KIF5B: variants seen among roughly 807,000 people sequenced by gnomAD.
KIF5B encodes the protein kinesin family member 5B.
A neutral mutation model predicts 132.8 loss-of-function variants in KIF5B; 49 were observed. The observed-to-expected ratio is 0.37, with a 90% CI of 0.29 to 0.47. KIF5B has a LOEUF of 0.47. Ranked by LOEUF, KIF5B falls within the 20% of genes least tolerant of loss-of-function variation. The pLI is 1.00. For synonymous variants in KIF5B, 355 were observed against 369.4 expected (o/e 0.96, Z 0.45); for missense variants, 780 against 1,144.0 (o/e 0.68, Z 4.59).
At chr10:32,016,020 T>A (rs1841154763) in intron 24 of KIF5B, among the ~76,000 whole-genome samples, 1 of 152,088 alleles carries the variant, frequency 6.6e-6, no homozygotes, top group African/African-American at 2.4e-5. Context: ...GGCGTGCACC[T>A]GTAGTCCCAG....
At chr10:32,018,883 A>G (rs77480280) in intron 20 of KIF5B, among the ~76,000 whole-genome samples, 15,139 of 152,092 alleles carry the variant, frequency 0.1, 845 homozygotes, top group Middle Eastern at 0.14. Flanking sequence ...TTTTGTAGAG[A>G]CGGGGTCTCA....
intron 20 of KIF5B, among the ~76,000 whole-genome samples, chr10:32,019,552 A>T (rs1312073209): frequency 6.6e-6 from 1 of 152,196 alleles, no homozygotes; most frequent in Non-Finnish European, 1.5e-5. Context: ...GTTACTTAAT[A>T]TATTGTTTTA....
intron 12 of KIF5B, 29 bp from the exon 13 acceptor site, chr10:32,032,803 G>A: frequency 6.4e-7 from 1 of 1,566,228 alleles, no homozygotes; most frequent in Non-Finnish European, 8.8e-7. Context: ...CGGTTAACCA[G>A]TAGCTAACAA....
chr10:32,012,336 G>C (rs150825860), intron 25 of KIF5B, among the ~76,000 whole-genome samples: 1 of 152,134 alleles, frequency 6.6e-6, no homozygotes, highest in African/African-American at 2.4e-5. Flanking sequence ...TTAGGCGGGC[G>C]TGGTAGTGGG....
intron 25 of KIF5B, among the ~76,000 whole-genome samples, chr10:32,012,666 G>A (rs1841100082): frequency 6.6e-6 from 1 of 152,130 alleles, no homozygotes; most frequent in Non-Finnish European, 1.5e-5. Context: ...TGCTAACCTG[G>A]TGTCACTTTA....
intron 16 of KIF5B, 82 bp from the exon 17 acceptor site, chr10:32,022,339 C>A: frequency 1.4e-6 from 1 of 691,332 alleles, no homozygotes; most frequent in South Asian, 2.0e-5. Flanking sequence ...ATTTCATTAT[C>A]TATATATGAT....
At chr10:32,021,341 T>C (rs1564463686) in intron 17 of KIF5B, 54 bp from the exon 18 acceptor site, 1 of 1,303,710 alleles carries the variant, frequency 7.7e-7, no homozygotes, top group Non-Finnish European at 1.1e-6. Flanking sequence ...AGGTTCCTCA[T>C]ATAAACCAAG....
rs987678454 is a variant in KIF5B at position 32,016,863 on chromosome 10, C to A, written c.2761+280G>T. 3.3e-5 allele frequency among the ~76,000 whole-genome samples: 5 copies of A among 152,346 alleles called. No individual in the cohort carries two copies. The South Asian group carries it at 1.0e-3, about 32-fold the overall frequency. On this transcript the variant is annotated intron_variant, in intron 24 of 25. Transcript: ENST00000302418. The stretch of plus-strand genomic sequence containing the variant: ...CAATGATTATTCTTAAACGTTAAAT[C>A]ATTGCTGATGGCTTATTTTCTTGCA...
intron 12 of KIF5B, among the ~76,000 whole-genome samples, chr10:32,033,237 G>T (rs976455686): frequency 1.3e-5 from 2 of 152,016 alleles, no homozygotes; most frequent in Non-Finnish European, 1.5e-5. Flanking sequence ...TATCATTGAG[G>T]CTCCCAATGA....
chr10:32,032,415 A>G (rs1412601957), intron 13 of KIF5B, among the ~76,000 whole-genome samples: 1 of 152,172 alleles, frequency 6.6e-6, no homozygotes, highest in Non-Finnish European at 1.5e-5. Context: ...CTGCTTTTCA[A>G]TTATCCCCCT....
intron 1 of KIF5B, among the ~76,000 whole-genome samples, chr10:32,054,101 A>C (rs940792418): frequency 6.6e-6 from 1 of 152,262 alleles, no homozygotes; most frequent in African/African-American, 2.4e-5. Flanking sequence ...GTGTAAACAC[A>C]AAATCTGAAG....
chr10:32,055,762 A>G, intron 1 of KIF5B, 86 bp downstream of exon 1: 13 of 1,528,694 alleles, frequency 8.5e-6, no homozygotes, highest in Non-Finnish European at 1.1e-5. Context: ...GCTCCCTTTC[A>G]ATTCTGCACC....
chr10:32,022,782 G>T lies in KIF5B; in HGVS notation c.1914+66C>A, dbSNP rs147940501. ...TAGACACACATTTTTCTGAAAACTT[G>T]TATAATAAATAAAATTTCTATGTGG... On this transcript the variant is annotated intron_variant, in intron 16 of 25. Transcript: ENST00000302418. 2,986 of 1,199,854 alleles carry T rather than the reference G, an allele frequency of 2.5e-3. 10 individuals carry two copies. The highest frequency in any genetic ancestry group is 3.0e-3 in the Non-Finnish European group (2,573 of 853,812). 74.3% of individuals were successfully genotyped at this position (1,199,854 alleles called of 1,614,324 possible). A position where few individuals can be genotyped will look rare whatever the true frequency, so the allele number is the denominator to read the frequency against.
At chr10:32,013,716 A>G (rs548303510) in intron 25 of KIF5B, among the ~76,000 whole-genome samples, 14 of 152,346 alleles carry the variant, frequency 9.2e-5, no homozygotes, top group African/African-American at 3.4e-4. Flanking sequence ...TTAGAGATTC[A>G]TTAAATAGTT....
chr10:32,031,079 C>A lies in KIF5B; in HGVS notation c.1575G>T (p.Gln525His). ...EYELLSDELN[Q>H]KSATLASIDA... is the part of the protein sequence containing the mutation. The stretch of plus-strand genomic sequence containing the variant: ...AAATAAAACTATATCCTACCGATTT[C>A]TGATTCAATTCATCACTAAGCAATT... The change falls in exon 14 of 26, where the codon CAG becomes CAT. Residue 525 changes from glutamine (Q) to histidine (H), a missense_variant. Gln to His is a conservative substitution (Grantham distance 24). Around this residue, in one of 9 missense-constraint regions of KIF5B, gnomAD observed 471 missense variants for 569.9 expected, o/e 0.83. Coordinates refer to ENST00000302418, the MANE Select transcript of KIF5B (RefSeq NM_004521.3). 1 of 1,608,004 alleles carries A rather than the reference C, an allele frequency of 6.2e-7. No homozygotes were observed. Among genetic ancestry groups the A allele is most frequent in the Non-Finnish European group, 8.5e-7 (1 of 1,175,154 alleles).
chr10:32,014,900 A>G (rs1841137760), intron 25 of KIF5B, among the ~76,000 whole-genome samples: 1 of 152,206 alleles, frequency 6.6e-6, no homozygotes. Flanking sequence ...AGGCGGGCAG[A>G]TCGCCTGAAG....
intron 8 of KIF5B, 37 bp from the exon 9 acceptor site, chr10:32,036,031 C>A (rs774782415): frequency 7.4e-7 from 1 of 1,355,806 alleles, no homozygotes; most frequent in Non-Finnish European, 1.0e-6. Flanking sequence ...AACAAAATTA[C>A]AAGTTTATAA....
chr10:32,041,793 TA>T (rs1381502747), intron 2 of KIF5B, among the ~76,000 whole-genome samples: 2 of 152,040 alleles, frequency 1.3e-5, no homozygotes, highest in Non-Finnish European at 2.9e-5. Context: ...TGGCTAATTC[TA>T]AAAAAAATTT....
intron 2 of KIF5B, among the ~76,000 whole-genome samples, chr10:32,047,739 T>C (rs1303201278): frequency 6.6e-6 from 1 of 152,204 alleles, no homozygotes; most frequent in Non-Finnish European, 1.5e-5. Flanking sequence ...GAATCCCAAT[T>C]CTTTTAATGT....
Sources: gnomAD v4.1 joint callset for allele counts (sites outside exome capture counted in the v4.1 genomes callset) on GRCh38, gnomAD v4.1.1 for gene constraint, gnomAD v4.1.1 regional missense constraint, MANE v1.5 for transcripts, NCBI Gene and HGNC (gene_info 2026-07-23, HGNC 2026-07-21) for gene names.